The following SEMA6D variants were observed in gnomAD, a reference collection of about 807,000 sequenced individuals.
The protein encoded by SEMA6D is semaphorin-6D.
In SEMA6D, 35 loss-of-function variants were observed where a neutral mutation model predicts 106.6. That is an observed-to-expected ratio of 0.33 (90% CI 0.25 to 0.44). The LOEUF (loss-of-function observed/expected upper bound fraction) is 0.44, where lower values mean the gene tolerates loss of function less well. Among genes scored for constraint, SEMA6D ranks in the 20% least tolerant of loss-of-function variants. The pLI is 1.00. For missense variants in SEMA6D, 1,185 were observed against 1,345.9 expected (o/e 0.88, Z 1.87); for synonymous variants, 499 against 487.7 (o/e 1.02, Z -0.31).
chr15:47,367,720 ACACAC>A (rs372560639), intron 1 of SEMA6D, among the ~76,000 whole-genome samples: 59,819 of 116,680 alleles, frequency 0.51, 14,852 homozygotes, highest in Non-Finnish European at 0.6. Context: ...ACACACACAC[ACACAC>A]ACAGAGAGAG....
rs2041368121 is a variant in SEMA6D at position 47,427,172 on chromosome 15, AT to A, written c.-159+14701del. On this transcript the variant is annotated intron_variant, in intron 2 of 19. Transcript: ENST00000558014. Reference sequence around the variant, plus strand: ...AGTATCCATAATATGAACAACTTTAATGGGGAGAAAGGAGGCACTGATGGAG... The same window carrying A: ...AGTATCCATAATATGAACAACTTTAAGGGGAGAAAGGAGGCACTGATGGAG... Among the ~76,000 whole-genome samples, 2 of 152,134 alleles carry A rather than the reference AT, an allele frequency of 1.3e-5. 1 individual carries two copies. Among genetic ancestry groups the A allele is most frequent in the South Asian group, 4.1e-4 (2 of 4,830 alleles).
intron 4 of SEMA6D, among the ~76,000 whole-genome samples, chr15:47,636,688 A>G (rs1470302045): frequency 6.6e-6 from 1 of 152,188 alleles, no homozygotes; most frequent in Non-Finnish European, 1.5e-5. Context: ...CAGGGCAGCT[A>G]TACTGTCCTC....
intron 1 of SEMA6D, among the ~76,000 whole-genome samples, chr15:47,312,961 A>G (rs1029391130): frequency 6.6e-6 from 1 of 152,082 alleles, no homozygotes; most frequent in African/African-American, 2.4e-5. Context: ...TCCCCTTTTT[A>G]TAGACTTTAT....
intron 4 of SEMA6D, among the ~76,000 whole-genome samples, chr15:47,632,867 CTT>C (rs1292324419): frequency 2.6e-5 from 4 of 151,848 alleles, no homozygotes; most frequent in African/African-American, 9.7e-5. Context: ...TTACTTGAAT[CTT>C]TTTAGAATTC....
At chr15:47,617,143 A>C (rs953608273) in intron 4 of SEMA6D, among the ~76,000 whole-genome samples, 1 of 152,142 alleles carries the variant, frequency 6.6e-6, no homozygotes, top group African/African-American at 2.4e-5. Flanking sequence ...AAGTTCAGTC[A>C]AGATTTCCCT....
rs1166143133 is a variant in SEMA6D, at chr15:47,764,930, A to G, written c.1301A>G (p.Gln434Arg). The G allele has an allele frequency of 6.8e-6, 11 of 1,613,850 alleles. No individual in the cohort carries two copies. The highest frequency in any genetic ancestry group is 1.6e-4 in the Middle Eastern group (1 of 6,082). ...ISVDHSAGPY[Q>R]NYTVIFVGSE... is the part of the protein sequence containing the mutation. ...GTGGACCATTCAGCCGGACCCTACCAGAACTACACAGTCATCTTTGTTGGC... is the reference window on the plus strand; with the variant it reads ...GTGGACCATTCAGCCGGACCCTACCGGAACTACACAGTCATCTTTGTTGGC... The change falls in exon 13 of 19, where the codon CAG becomes CGG. Residue 434 changes from glutamine (Q) to arginine (R), a missense_variant. Gln to Arg is a conservative substitution (Grantham distance 43). This residue lies in a region of SEMA6D where 291 missense variants were observed against 423.8 expected (regional missense o/e 0.69). Coordinates refer to ENST00000536845, the MANE Select transcript of SEMA6D (RefSeq NM_001358351.3).
At chr15:47,210,201 T>C (rs1309612895) in intron 1 of SEMA6D, among the ~76,000 whole-genome samples, 1 of 152,184 alleles carries the variant, frequency 6.6e-6, no homozygotes, top group Non-Finnish European at 1.5e-5. Context: ...TCGACTTTAG[T>C]GGAACCCTGA....
At chr15:47,523,077 C>G (rs910909592) in intron 3 of SEMA6D, among the ~76,000 whole-genome samples, 4 of 152,174 alleles carry the variant, frequency 2.6e-5, no homozygotes, top group Non-Finnish European at 5.9e-5. Flanking sequence ...ATATCCGCAT[C>G]CTATACTCCT....
At chr15:47,702,341 G>A (rs1380899101) in intron 4 of SEMA6D, among the ~76,000 whole-genome samples, 1 of 152,172 alleles carries the variant, frequency 6.6e-6, no homozygotes, top group Non-Finnish European at 1.5e-5. Context: ...CTATTAGAAT[G>A]ACCAAAATTC....
In SEMA6D at chr15:47,264,341, G is replaced by GTT. The variant is rs138062604; in HGVS notation, c.-239+79934_-239+79935dup. Among the ~76,000 whole-genome samples the GTT allele has an allele frequency of 8.3e-3, 1,239 of 148,598 alleles. 15 individuals are homozygous for GTT. The highest frequency in any genetic ancestry group is 0.025 in the African/African-American group (1,004 of 40,682). ...GGTCATTTACCCCTGAATTTAAAAGGTTTTTTTTTTTTAAATATTGTGCAA... is the reference window on the plus strand; with the variant it reads ...GGTCATTTACCCCTGAATTTAAAAGGTTTTTTTTTTTTTTAAATATTGTGCAA... On this transcript the variant is annotated intron_variant, in intron 1 of 19. Coordinates refer to the SEMA6D transcript ENST00000558014.
intron 1 of SEMA6D, among the ~76,000 whole-genome samples, chr15:47,734,495 G>A (rs532420374): frequency 1.3e-5 from 2 of 152,212 alleles, no homozygotes; most frequent in Non-Finnish European, 2.9e-5. Flanking sequence ...AAATCACGTA[G>A]CTGATCCTGA....
chr15:47,442,732 G>T (rs2041918781), intron 2 of SEMA6D, among the ~76,000 whole-genome samples: 1 of 152,130 alleles, frequency 6.6e-6, no homozygotes, highest in Non-Finnish European at 1.5e-5. Context: ...GGTTGGAAGT[G>T]CATTTGCCAT....
At chr15:47,350,077 A>G (rs74342171) in intron 1 of SEMA6D, among the ~76,000 whole-genome samples, 1,686 of 152,306 alleles carry the variant, frequency 0.011, 41 homozygotes, top group African/African-American at 0.039. Flanking sequence ...GTGTGCACAT[A>G]TATGTATGTG....
intron 1 of SEMA6D, among the ~76,000 whole-genome samples, chr15:47,209,019 C>T (rs1038738234): frequency 6.6e-6 from 1 of 151,214 alleles, no homozygotes; most frequent in Non-Finnish European, 1.5e-5. Context: ...GTAGATCTCT[C>T]CTTTTTACTC....
At chr15:47,575,305 G>C (rs1158240599) in intron 3 of SEMA6D, among the ~76,000 whole-genome samples, 2 of 152,092 alleles carry the variant, frequency 1.3e-5, no homozygotes, top group East Asian at 1.9e-4. Flanking sequence ...AGGCAGGGAG[G>C]GGGTAGAAAC....
At chr15:47,400,488 C>CAA (rs375822492) in intron 1 of SEMA6D, among the ~76,000 whole-genome samples, 4 of 119,160 alleles carry the variant, frequency 3.4e-5, no homozygotes, top group Non-Finnish European at 5.2e-5. Context: ...GACTCTGTCT[C>CAA]AAAAAAAAAA....
intron 4 of SEMA6D, among the ~76,000 whole-genome samples, chr15:47,673,419 C>T (rs1319442556): frequency 6.6e-6 from 1 of 152,178 alleles, no homozygotes; most frequent in Non-Finnish European, 1.5e-5. Context: ...CTCCTCCTTC[C>T]CTTCTCCAAC....
In SEMA6D at chr15:47,210,642, A is replaced by G. The variant is rs184379869; in HGVS notation, c.-239+26224A>G. On this transcript the variant is annotated intron_variant, in intron 1 of 19. Coordinates refer to the SEMA6D transcript ENST00000558014. ...CCGTGGCGCGTGGTGGCACATGCCT[A>G]TAGTCCCAGCTACTGGGAAGGCTGA... Among the ~76,000 whole-genome samples the G allele has an allele frequency of 4.9e-4, 74 of 151,894 alleles. 1 individual carries two copies. Among genetic ancestry groups the G allele is most frequent in the Non-Finnish European group, 1.5e-5 (1 of 67,922 alleles).
intron 9 of SEMA6D, 39 bp from the exon 10 acceptor site, chr15:47,763,811 G>C: frequency 6.5e-7 from 1 of 1,548,992 alleles, no homozygotes; most frequent in Non-Finnish European, 8.9e-7. Context: ...TCCTTTCCAT[G>C]CTCATAACCC....
Sources: gnomAD v4.1 joint callset for allele counts (sites outside exome capture counted in the v4.1 genomes callset) on GRCh38, gnomAD v4.1.1 for gene constraint, gnomAD v4.1.1 regional missense constraint, MANE v1.5 for transcripts, NCBI Gene and HGNC (gene_info 2026-07-23, HGNC 2026-07-21) for gene names.